ACOT12: variants seen among roughly 807,000 people sequenced by gnomAD.
ACOT12 encodes the protein acetyl-coenzyme A thioesterase.
ACOT12 carries 51 observed loss-of-function variants against 67.7 expected under a neutral mutation model. That is an observed-to-expected ratio of 0.75 (90% CI 0.60 to 0.95). The LOEUF (loss-of-function observed/expected upper bound fraction) is 0.95, where lower values mean the gene tolerates loss of function less well. Among genes scored for constraint, ACOT12 ranks in the 40% least tolerant of loss-of-function variants. The pLI, the probability that ACOT12 is intolerant of heterozygous loss-of-function variation, is 0.00. For synonymous variants in ACOT12, 251 were observed against 244.6 expected (o/e 1.03, Z -0.24); for missense variants, 734 against 708.1 (o/e 1.04, Z -0.41).
At chr5:81,393,561 C>G (rs548405858) in intron 1 of ACOT12, among the ~76,000 whole-genome samples, 1 of 151,970 alleles carries the variant, frequency 6.6e-6, no homozygotes, top group South Asian at 2.1e-4. Flanking sequence ...AAACAAAACT[C>G]CCAAAGTCAG....
At chr5:81,339,178 C>A (rs1421204716) in intron 11 of ACOT12, among the ~76,000 whole-genome samples, 1 of 152,174 alleles carries the variant, frequency 6.6e-6, no homozygotes. Flanking sequence ...GTAAAGAGGG[C>A]AAAAGTGGTT....
chr5:81,323,919 CGTGTATATATACATATAT>C, the ACOT12 span, among the ~76,000 whole-genome samples: 5 of 142,926 alleles, frequency 3.5e-5, no homozygotes, highest in Admixed American at 7.3e-5. Flanking sequence ...CGTATATATA[CGTGTATATATACATATAT>C]GTGTATATAT....
intron 10 of ACOT12, 47 bp downstream of exon 10, chr5:81,343,771 T>A: frequency 6.3e-7 from 1 of 1,590,320 alleles, no homozygotes; most frequent in Admixed American, 1.8e-5. Context: ...TCCATTTTTG[T>A]AATGATGAGA....
chr5:81,319,578 G>A, the ACOT12 span, among the ~76,000 whole-genome samples: 4 of 152,124 alleles, frequency 2.6e-5, no homozygotes, highest in South Asian at 2.1e-4. Flanking sequence ...TTAGCTGGGC[G>A]TTGTGGTGCA....
chr5:81,324,327 C>T, the ACOT12 span, among the ~76,000 whole-genome samples: 1 of 151,988 alleles, frequency 6.6e-6, no homozygotes, highest in Non-Finnish European at 1.5e-5. Context: ...TAGTAAGGTT[C>T]TCATTATATT....
chr5:81,332,375 G>T, intron 13 of ACOT12, 102 bp downstream of exon 13: 2 of 1,274,464 alleles, frequency 1.6e-6, no homozygotes, highest in South Asian at 1.6e-5. Context: ...CATAATTCAA[G>T]AGCAGAAATA....
chr5:81,371,611 C>T (rs1056678781), intron 3 of ACOT12, 139 bp downstream of exon 3: 6 of 803,866 alleles, frequency 7.5e-6, no homozygotes, highest in African/African-American at 1.7e-5. Context: ...TTACCTGTGA[C>T]CTGACTACAC....
At chr5:81,378,128 C>A (rs1441172024) in intron 2 of ACOT12, among the ~76,000 whole-genome samples, 1 of 152,002 alleles carries the variant, frequency 6.6e-6, no homozygotes, top group Non-Finnish European at 1.5e-5. Context: ...GTACTGGTAC[C>A]AAAACAGATA....
At chr5:81,385,703 C>G in intron 2 of ACOT12, 54 bp downstream of exon 2, 3 of 1,553,568 alleles carry the variant, frequency 1.9e-6, no homozygotes, top group Non-Finnish European at 2.7e-6. Context: ...CAATACATGT[C>G]CCAGATGAAC....
chr5:81,372,935 T>C (rs560806185), intron 2 of ACOT12, among the ~76,000 whole-genome samples: 10 of 152,336 alleles, frequency 6.6e-5, no homozygotes, highest in Middle Eastern at 3.4e-3. Context: ...CAAGGAATTA[T>C]TGATAATTCA....
At chr5:81,325,694 C>G (rs1218033585), downstream of ACOT12, among the ~76,000 whole-genome samples, 1 of 152,124 alleles carries the variant, frequency 6.6e-6, no homozygotes, top group African/African-American at 2.4e-5. Flanking sequence ...TTATAGGGTG[C>G]TTCATCCTTG....
intron 2 of ACOT12, among the ~76,000 whole-genome samples, chr5:81,375,544 C>A (rs183641806): frequency 6.6e-6 from 1 of 151,824 alleles, no homozygotes. Context: ...GACAGACTGG[C>A]AAATTGGATA....
the ACOT12 span, among the ~76,000 whole-genome samples, chr5:81,319,409 C>T: frequency 1.3e-5 from 2 of 152,168 alleles, no homozygotes; most frequent in African/African-American, 2.4e-5. Context: ...AGAGCATCTT[C>T]AACACTTTCA....
At chr5:81,380,056 A>T (rs1760533458) in intron 2 of ACOT12, among the ~76,000 whole-genome samples, 1 of 152,220 alleles carries the variant, frequency 6.6e-6, no homozygotes, top group Non-Finnish European at 1.5e-5. Context: ...GAGTTTAATA[A>T]TACATACATA....
Position 81,344,963 on chromosome 5 carries a change from AG to A in ACOT12, c.851del (p.Ala284ValfsTer42). On this transcript the variant is annotated frameshift_variant, in exon 8 of 15. Coordinates refer to ENST00000307624, the MANE Select transcript of ACOT12 (RefSeq NM_130767.3). LOFTEE classifies it high-confidence loss of function. ...AEGRGRHINSAFLIYNAADDK... is the reference protein window; with the variant it reads ...AEGRGRHINSXFLIYNAADDK... ...CATCAGCAGCATTGTAAATGAGAAA[AG>A]CACTGTTGATGTGACGCCCTCGGCC... 2 of 1,614,206 alleles carry A rather than the reference AG, an allele frequency of 1.2e-6. No individual in the cohort carries two copies. Among genetic ancestry groups the A allele is most frequent in the Non-Finnish European group, 1.7e-6 (2 of 1,180,034 alleles).
the ACOT12 span, among the ~76,000 whole-genome samples, chr5:81,311,616 AT>A: frequency 6.6e-6 from 1 of 152,246 alleles, no homozygotes; most frequent in African/African-American, 2.4e-5. Flanking sequence ...AAAATAAAAA[AT>A]ATGAAATAAC....
chr5:81,370,026 C>G (rs1430771440), intron 3 of ACOT12, among the ~76,000 whole-genome samples: 2 of 152,116 alleles, frequency 1.3e-5, no homozygotes, highest in Non-Finnish European at 2.9e-5. Flanking sequence ...CGCCTGTGAT[C>G]GATCCTAGCA....
chr5:81,320,824 C>A, the ACOT12 span, among the ~76,000 whole-genome samples: 1 of 152,092 alleles, frequency 6.6e-6, no homozygotes, highest in Admixed American at 6.6e-5. Flanking sequence ...GCCACTATAA[C>A]CAAATACTAT....
In ACOT12 at chr5:81,330,891, G is replaced by T. The variant is rs767120910; in HGVS notation, c.1441C>A (p.Pro481Thr). Residue 481 changes from proline to threonine, a missense_variant, in exon 14 of 15, where the codon CCG becomes ACG. Pro to Thr is a conservative substitution (Grantham distance 38). Coordinates refer to ENST00000307624, the MANE Select transcript of ACOT12 (RefSeq NM_130767.3). The part of the protein sequence containing the change: ...VKSVILPSVP[P>T]SPQYIRSEII... Reference sequence around the variant, plus strand: ...TCACTTCTGATGTACTGTGGAGACGGGGGGACCGATGGCAAAATGACCGAC... The same window carrying T: ...TCACTTCTGATGTACTGTGGAGACGTGGGGACCGATGGCAAAATGACCGAC... 1.2e-6 allele frequency: 2 copies of T among 1,613,136 alleles called. No homozygotes were observed. The highest frequency in any genetic ancestry group is 1.7e-6 in the Non-Finnish European group (2 of 1,179,628).
Sources: gnomAD v4.1 joint callset for allele counts (sites outside exome capture counted in the v4.1 genomes callset) on GRCh38, gnomAD v4.1.1 for gene constraint, MANE v1.5 for transcripts, NCBI Gene and HGNC (gene_info 2026-07-23, HGNC 2026-07-21) for gene names.